The following CNR2 variants were observed in gnomAD, a reference collection of about 807,000 sequenced individuals.
CNR2 encodes the protein cannabinoid receptor 2 (macrophage).
For synonymous variants in CNR2, 172 were observed against 182.2 expected (o/e 0.94, Z 0.45); for missense variants, 379 against 439.9 (o/e 0.86, Z 1.24).
chr1:23,881,606 T>C (rs1639989564), intron 1 of CNR2, among the ~76,000 whole-genome samples: 1 of 142,210 alleles, frequency 7.0e-6, no homozygotes, highest in Non-Finnish European at 1.5e-5. Context: ...AAAAAATTGC[T>C]AGGCCGGGCA....
intron 1 of CNR2, among the ~76,000 whole-genome samples, chr1:23,877,686 G>A (rs6661990): frequency 0.033 from 5,020 of 152,148 alleles, 263 homozygotes; most frequent in African/African-American, 0.11. Context: ...CTGGGGCTGG[G>A]CACAGTGGCT....
At position 23,913,118 on chromosome 1, in the gene CNR2, GC is replaced by G. The variant is rs201128103; in HGVS notation, c.-46+127del. ...TGAGGCTGCACTGAGCCGAGATTGT[GC>G]CACTGTACTTTAGCCTGGTCAACAG... On this transcript the variant is annotated intron_variant, in intron 1 of 1. Transcript: ENST00000374472. 1,310 of 159,928 alleles carry G rather than the reference GC, an allele frequency of 8.2e-3. 19 individuals are homozygous for G. Among genetic ancestry groups the G allele is most frequent in the African/African-American group, 0.028 (1,185 of 41,632 alleles). The allele number at this position is 159,928 out of a possible 1,614,324, so 9.9% of individuals were successfully genotyped here. A position where few individuals can be genotyped will look rare whatever the true frequency, so the allele number is the denominator to read the frequency against.
intron 1 of CNR2, among the ~76,000 whole-genome samples, chr1:23,895,143 C>T (rs895034651): frequency 2.0e-5 from 3 of 151,680 alleles, no homozygotes; most frequent in Non-Finnish European, 4.4e-5. Flanking sequence ...ATCGCTTGAA[C>T]CCAGGAGGTG....
At chr1:23,902,115 A>G (rs1230241916) in intron 1 of CNR2, 1 of 1,461,508 alleles carries the variant, frequency 6.8e-7, no homozygotes, top group Non-Finnish European at 9.6e-7. Context: ...GCCCCAAAAC[A>G]TGCCTCTTGT....
intron 1 of CNR2, among the ~76,000 whole-genome samples, chr1:23,879,548 G>C (rs183236776): frequency 6.6e-6 from 1 of 152,324 alleles, no homozygotes; most frequent in East Asian, 1.9e-4. Context: ...AGGTGGTCCA[G>C]TGTGCAGTGA....
At chr1:23,897,370 T>C (rs2148467139) in intron 1 of CNR2, among the ~76,000 whole-genome samples, 1 of 152,256 alleles carries the variant, frequency 6.6e-6, no homozygotes, top group Admixed American at 6.5e-5. Context: ...AAAGTTACCT[T>C]GGCAATAAAT....
In CNR2 at chr1:23,902,797, G is replaced by A. The variant is rs1250565555; in HGVS notation, c.-46+10449C>T. On this transcript the variant is annotated intron_variant, in intron 1 of 1. Coordinates refer to ENST00000374472, the MANE Select transcript of CNR2 (RefSeq NM_001841.3). Reference sequence around the variant, plus strand: ...TGCCAAGTGTGGGCTGCGCGGGCGCGGGCGCGGGGGCGCGGTGCAGGCTGC... The same window carrying A: ...TGCCAAGTGTGGGCTGCGCGGGCGCAGGCGCGGGGGCGCGGTGCAGGCTGC... 1.1e-5 allele frequency: 16 copies of A among 1,424,296 alleles called. No individual in the cohort carries two copies. In the Admixed American group the frequency reaches 2.9e-4, roughly 26 times the overall value. 88.2% of individuals were successfully genotyped at this position (1,424,296 alleles called of 1,614,324 possible).
chr1:23,889,378 G>A (rs543731577), intron 1 of CNR2, among the ~76,000 whole-genome samples: 83 of 152,274 alleles, frequency 5.5e-4, no homozygotes, highest in African/African-American at 1.8e-3. Flanking sequence ...AAGCCTCACC[G>A]TTTTTATCCC....
At chr1:23,891,619 CA>C (rs771509283) in intron 1 of CNR2, among the ~76,000 whole-genome samples, 72 of 31,244 alleles carry the variant, frequency 2.3e-3, no homozygotes, top group African/African-American at 0.01. Flanking sequence ...AACTCCATCT[CA>C]AAAAAAAAAA....
At chr1:23,879,584 G>C (rs994191102) in intron 1 of CNR2, among the ~76,000 whole-genome samples, 9 of 152,194 alleles carry the variant, frequency 5.9e-5, no homozygotes, top group African/African-American at 2.2e-4. Context: ...CCACACTCCA[G>C]TGTGGGTGAC....
chr1:23,874,342 A>C lies in CNR2; in HGVS notation c.*193T>G. 1.6e-6 allele frequency: 1 copy of C among 621,584 alleles called. No homozygotes were observed. The highest frequency in any genetic ancestry group is 2.0e-5 in the South Asian group (1 of 49,388). The allele number at this position is 621,584 out of a possible 1,614,324, so 38.5% of individuals were successfully genotyped here. A position where few individuals can be genotyped will look rare whatever the true frequency, so the allele number is the denominator to read the frequency against. On this transcript the variant is annotated 3_prime_UTR_variant, in exon 2 of 2. Coordinates refer to ENST00000374472, the MANE Select transcript of CNR2 (RefSeq NM_001841.3). ...CTACTCCTCGTGGCCCTACCTATCC[A>C]ACAGACTGTGTGCAGGTGGGCAAGG... is the stretch of plus-strand genomic sequence containing the variant.
intron 1 of CNR2, among the ~76,000 whole-genome samples, chr1:23,891,659 TA>T (rs1640194689): frequency 1.3e-5 from 2 of 151,654 alleles, no homozygotes; most frequent in African/African-American, 4.8e-5. Context: ...TACCTCTTTT[TA>T]TAACTACTTT....
At chr1:23,910,184 G>A (rs986597289) in intron 1 of CNR2, among the ~76,000 whole-genome samples, 4 of 133,082 alleles carry the variant, frequency 3.0e-5, no homozygotes, top group Admixed American at 1.8e-4. Context: ...TGGTCTTGAA[G>A]TGCTGAGCTC....
At position 23,872,152 on chromosome 1, in the gene CNR2, A is replaced by AAAAAG; in HGVS notation, c.*2378_*2382dup. 6.7e-6 allele frequency: 1 copy of AAAAAG among 150,126 alleles called. No homozygotes were observed. Among genetic ancestry groups the AAAAAG allele is most frequent in the African/African-American group, 2.5e-5 (1 of 40,564 alleles). The allele number at this position is 150,126 out of a possible 1,614,324, so 9.3% of individuals were successfully genotyped here. A position where few individuals can be genotyped will look rare whatever the true frequency, so the allele number is the denominator to read the frequency against. ...CGTCTCAAAAAAAAAAAAAAAAAAAAAAAAGACACCAAGAGACACAGAGGA... is the reference window on the plus strand; with the variant it reads ...CGTCTCAAAAAAAAAAAAAAAAAAAAAAAAGAAAAGACACCAAGAGACACAGAGGA... On this transcript the variant is annotated 3_prime_UTR_variant, in exon 2 of 2. Transcript: ENST00000374472.
intron 1 of CNR2, among the ~76,000 whole-genome samples, chr1:23,884,469 C>T (rs1454025411): frequency 6.7e-6 from 1 of 149,526 alleles, no homozygotes; most frequent in African/African-American, 2.5e-5. Context: ...CCACACCTAG[C>T]TAATTTTTGT....
chr1:23,885,513 T>C (rs552609501), intron 1 of CNR2, among the ~76,000 whole-genome samples: 1 of 152,188 alleles, frequency 6.6e-6, no homozygotes, highest in Non-Finnish European at 1.5e-5. Context: ...TTGTTGCCAC[T>C]GTTGTGATTA....
rs773702939 is a variant in CNR2, at chr1:23,872,804, AC to A, written c.*1730del. The stretch of plus-strand genomic sequence containing the variant: ...AGCCGGCACATGGTAGGTCTATCCT[AC>A]CGTTTATTGAGTTAACTCAATTAAT... On this transcript the variant is annotated 3_prime_UTR_variant, in exon 2 of 2. Coordinates refer to ENST00000374472, the MANE Select transcript of CNR2 (RefSeq NM_001841.3). 2.0e-5 allele frequency: 3 copies of A among 152,196 alleles called. No individual in the cohort carries two copies. The highest frequency in any genetic ancestry group is 4.4e-5 in the Non-Finnish European group (3 of 68,044). The allele number at this position is 152,196 out of a possible 1,614,324, so 9.4% of individuals were successfully genotyped here.
intron 1 of CNR2, among the ~76,000 whole-genome samples, chr1:23,881,363 G>A (rs370208592): frequency 5.9e-5 from 9 of 151,766 alleles, no homozygotes; most frequent in East Asian, 3.9e-4. Flanking sequence ...TTGAGAGGCC[G>A]AGGCGGGCAG....
intron 1 of CNR2, among the ~76,000 whole-genome samples, chr1:23,888,094 C>A (rs1403936051): frequency 2.6e-5 from 4 of 152,174 alleles, no homozygotes; most frequent in African/African-American, 9.7e-5. Flanking sequence ...ATAATGCCCA[C>A]CTCAAAATGC....
Sources: allele counts gnomAD v4.1 joint callset (sites outside exome capture counted in the v4.1 genomes callset), GRCh38; gene constraint gnomAD v4.1.1; transcripts MANE v1.5; gene names NCBI Gene and HGNC (gene_info 2026-07-23, HGNC 2026-07-21).